Variants in CFAP299 observed in about 807,000 individuals in gnomAD.
The protein encoded by CFAP299 is cilia- and flagella-associated protein 299.
CFAP299 carries 21 observed loss-of-function variants against 27.0 expected under a neutral mutation model. That is an observed-to-expected ratio of 0.78 (90% CI 0.55 to 1.12). The LOEUF is 1.12. Among genes scored for constraint, CFAP299 ranks in the 50% most tolerant of loss-of-function variants. CFAP299 has a pLI of 0.00. For synonymous variants in CFAP299, 104 were observed against 98.1 expected (o/e 1.06, Z -0.36); for missense variants, 310 against 276.6 (o/e 1.12, Z -0.86).
chr4:80,672,429 C>A (rs935966515), intron 3 of CFAP299, among the ~76,000 whole-genome samples: 6 of 152,162 alleles, frequency 3.9e-5, no homozygotes, highest in African/African-American at 1.4e-4. Context: ...AGGATTTTCA[C>A]GTTGATGTTC....
chr4:80,810,790 C>T (rs575139703), intron 3 of CFAP299, among the ~76,000 whole-genome samples: 8 of 152,162 alleles, frequency 5.3e-5, no homozygotes, highest in South Asian at 4.1e-4. Context: ...GCTCAGGAAA[C>T]GAATATGTGA....
At chr4:80,744,312 TC>T (rs974285804) in intron 3 of CFAP299, among the ~76,000 whole-genome samples, 8 of 144,494 alleles carry the variant, frequency 5.5e-5, no homozygotes, top group Non-Finnish European at 1.2e-4. Flanking sequence ...CAAATTCTGA[TC>T]AAGAGACCTG....
At chr4:80,548,443 C>T (rs746277778) in intron 2 of CFAP299, among the ~76,000 whole-genome samples, 8 of 152,050 alleles carry the variant, frequency 5.3e-5, no homozygotes, top group African/African-American at 9.7e-5. Context: ...GTACTATCCT[C>T]GCTACCTTGG....
At chr4:80,774,634 A>G (rs1726420310) in intron 3 of CFAP299, among the ~76,000 whole-genome samples, 1 of 152,016 alleles carries the variant, frequency 6.6e-6, no homozygotes, top group Non-Finnish European at 1.5e-5. Flanking sequence ...ATATAAATAT[A>G]TATTGTGATA....
chr4:80,800,679 T>G (rs1728519733), intron 3 of CFAP299, among the ~76,000 whole-genome samples: 1 of 114,872 alleles, frequency 8.7e-6, no homozygotes, highest in South Asian at 2.3e-4. Context: ...TATAAATATA[T>G]GATATATTAT....
At chr4:80,350,150 T>C (rs1722949293) in intron 1 of CFAP299, among the ~76,000 whole-genome samples, 2 of 152,210 alleles carry the variant, frequency 1.3e-5, no homozygotes, top group Middle Eastern at 3.4e-3. Flanking sequence ...TACATTTAAA[T>C]GGAGTCCAAA....
intron 2 of CFAP299, among the ~76,000 whole-genome samples, chr4:80,499,977 T>C (rs1029225010): frequency 6.6e-6 from 1 of 152,052 alleles, no homozygotes; most frequent in Admixed American, 6.6e-5. Context: ...CATTTTTTTT[T>C]TGTTTGTTTG....
chr4:80,898,012 T>C (rs1440184491), intron 4 of CFAP299, among the ~76,000 whole-genome samples: 1 of 152,060 alleles, frequency 6.6e-6, no homozygotes, highest in Non-Finnish European at 1.5e-5. Flanking sequence ...GCAAACTCCA[T>C]GTGGGGCCTC....
intron 3 of CFAP299, among the ~76,000 whole-genome samples, chr4:80,601,622 A>T (rs1306207303): frequency 1.3e-5 from 2 of 152,122 alleles, no homozygotes; most frequent in Non-Finnish European, 2.9e-5. Context: ...TAGACTTTGG[A>T]ACAGTCAGAC....
At chr4:80,590,179 G>A (rs761610511) in intron 3 of CFAP299, among the ~76,000 whole-genome samples, 49 of 152,136 alleles carry the variant, frequency 3.2e-4, no homozygotes, top group Admixed American at 1.3e-4. Context: ...AGGAAAAAAG[G>A]CATGTTTCGG....
chr4:80,895,163 GT>G (rs1734550330), intron 4 of CFAP299, among the ~76,000 whole-genome samples: 1 of 134,014 alleles, frequency 7.5e-6, no homozygotes, highest in African/African-American at 3.4e-5. Context: ...GCTCTTAAAT[GT>G]TCTCACCACA....
At chr4:80,660,946 A>C (rs1215228391) in intron 3 of CFAP299, among the ~76,000 whole-genome samples, 1 of 152,132 alleles carries the variant, frequency 6.6e-6, no homozygotes, top group East Asian at 1.9e-4. Context: ...AAAGACCAAA[A>C]AGACATGGGA....
chr4:80,514,345 G>A (rs558612223), intron 2 of CFAP299, among the ~76,000 whole-genome samples: 1 of 152,074 alleles, frequency 6.6e-6, no homozygotes, highest in South Asian at 2.1e-4. Context: ...AACTTAAGGT[G>A]ATTTTATTAT....
At chr4:80,818,174 A>G (rs903318086) in intron 3 of CFAP299, among the ~76,000 whole-genome samples, 1 of 152,202 alleles carries the variant, frequency 6.6e-6, no homozygotes, top group African/African-American at 2.4e-5. Flanking sequence ...CCTGCAAAGG[A>G]CATGATCTCA....
At chr4:80,639,968 A>G (rs1739644736) in intron 3 of CFAP299, 1 of 152,180 alleles carries the variant, frequency 6.6e-6, no homozygotes, top group Non-Finnish European at 1.5e-5. Context: ...CACCATGCCC[A>G]GCCGGGGCAT....
At chr4:80,843,068 T>A (rs544564342) in intron 3 of CFAP299, among the ~76,000 whole-genome samples, 84 of 151,192 alleles carry the variant, frequency 5.6e-4, no homozygotes, top group South Asian at 1.5e-3. Context: ...TCTTCTTTTT[T>A]TATATATATA....
intron 3 of CFAP299, among the ~76,000 whole-genome samples, chr4:80,757,847 G>A (rs894482419): frequency 6.6e-6 from 1 of 152,044 alleles, no homozygotes; most frequent in African/African-American, 2.4e-5. Context: ...GGACCTAGCT[G>A]GGTGCTTCGG....
intron 2 of CFAP299, among the ~76,000 whole-genome samples, chr4:80,413,735 T>C (rs1328252589): frequency 1.4e-5 from 2 of 147,218 alleles, no homozygotes; most frequent in Non-Finnish European, 3.0e-5. Context: ...CATTTGTCTG[T>C]ATGTTTGTGT....
chr4:80,892,442 C>G (rs1415887709), intron 4 of CFAP299, among the ~76,000 whole-genome samples: 5 of 152,116 alleles, frequency 3.3e-5, no homozygotes, highest in African/African-American at 1.2e-4. Flanking sequence ...GGACATTGGT[C>G]TGGGCAAAAA....
Sources: gnomAD v4.1 joint callset for allele counts (sites outside exome capture counted in the v4.1 genomes callset) on GRCh38, gnomAD v4.1.1 for gene constraint, MANE v1.5 for transcripts, NCBI Gene and HGNC (gene_info 2026-07-23, HGNC 2026-07-21) for gene names.